Variants in KCNJ16 observed in about 807,000 individuals in gnomAD.
KCNJ16 encodes potassium inwardly rectifying channel subfamily J member 16.
KCNJ16 carries 15 observed loss-of-function variants against 18.5 expected under a neutral mutation model. The ratio of observed to expected loss-of-function variants is 0.81; its 90% CI spans 0.54 to 1.25. The LOEUF is 1.25. Ranked by LOEUF, KCNJ16 falls within the 50% of genes most tolerant of loss-of-function variation. KCNJ16 has a pLI of 0.00. For synonymous variants in KCNJ16, 174 were observed against 186.5 expected (o/e 0.93, Z 0.55); for missense variants, 523 against 525.7 (o/e 0.99, Z 0.05).
chr17:70,113,379 C>A (rs1435106815), intron 2 of KCNJ16, among the ~76,000 whole-genome samples: 1 of 152,182 alleles, frequency 6.6e-6, no homozygotes, highest in African/African-American at 2.4e-5. Flanking sequence ...CTTGGCAAGA[C>A]TGAACTTCTC....
intron 2 of KCNJ16, among the ~76,000 whole-genome samples, chr17:70,109,635 C>A (rs1382621269): frequency 6.6e-6 from 1 of 152,124 alleles, no homozygotes. Flanking sequence ...CCTGTTCCAG[C>A]AGCTCAACTG....
intron 1 of KCNJ16, among the ~76,000 whole-genome samples, chr17:70,099,716 T>C (rs2072538651): frequency 6.6e-6 from 1 of 152,096 alleles, no homozygotes; most frequent in Admixed American, 6.6e-5. Context: ...CCTGGTGCTA[T>C]GTGTGTTTGG....
At chr17:70,111,081 T>C (rs2073165791) in intron 2 of KCNJ16, among the ~76,000 whole-genome samples, 1 of 152,148 alleles carries the variant, frequency 6.6e-6, no homozygotes, top group African/African-American at 2.4e-5. Flanking sequence ...GGGAATAGGA[T>C]ATAATCTCCT....
intron 1 of KCNJ16, among the ~76,000 whole-genome samples, chr17:70,088,496 CCT>C (rs1337607618): frequency 2.0e-5 from 3 of 152,106 alleles, no homozygotes; most frequent in Non-Finnish European, 4.4e-5. Context: ...GTTGAGGACC[CCT>C]GTCTTAGGGA....
At chr17:70,077,636 A>G (rs144449381) in intron 1 of KCNJ16, among the ~76,000 whole-genome samples, 1 of 151,704 alleles carries the variant, frequency 6.6e-6, no homozygotes, top group African/African-American at 2.4e-5. Context: ...ACAGAATTAG[A>G]AGTCTTTCTC....
chr17:70,116,299 T>C (rs2073401818), intron 2 of KCNJ16, among the ~76,000 whole-genome samples: 1 of 152,194 alleles, frequency 6.6e-6, no homozygotes, highest in African/African-American at 2.4e-5. Context: ...AGAGTAATCA[T>C]ATGATTGTAC....
chr17:70,103,612 G>C (rs990540761), intron 2 of KCNJ16, among the ~76,000 whole-genome samples: 1 of 151,790 alleles, frequency 6.6e-6, no homozygotes, highest in Admixed American at 6.6e-5. Flanking sequence ...CCAGGCCTTC[G>C]TCATTGGAAT....
intron 2 of KCNJ16, among the ~76,000 whole-genome samples, chr17:70,104,425 G>A (rs763236214): frequency 1.3e-5 from 2 of 152,302 alleles, no homozygotes; most frequent in African/African-American, 4.8e-5. Context: ...GGGGGCATAC[G>A]CTTCCTTGAA....
chr17:70,094,220 G>T (rs867213948), intron 1 of KCNJ16, among the ~76,000 whole-genome samples: 21 of 152,270 alleles, frequency 1.4e-4, no homozygotes, highest in South Asian at 4.1e-4. Flanking sequence ...TTTACTTAAG[G>T]CTTTGGAAAA....
At chr17:70,093,611 T>C (rs1162644503) in intron 1 of KCNJ16, among the ~76,000 whole-genome samples, 8 of 152,134 alleles carry the variant, frequency 5.3e-5, no homozygotes, top group African/African-American at 1.9e-4. Flanking sequence ...TAATAGATAG[T>C]GATGACAAGA....
chr17:70,132,215 G>T lies in KCNJ16; in HGVS notation c.128G>T (p.Cys43Phe). 6.2e-7 allele frequency: 1 copy of T among 1,614,232 alleles called. No individual in the cohort carries two copies. The highest frequency in any genetic ancestry group is 1.1e-5 in the South Asian group (1 of 91,092). Residue 43 changes from cysteine (C) to phenylalanine (F), a missense_variant, in exon 4 of 4, where the codon TGT becomes TTT. Cys to Phe is a radical substitution (Grantham distance 205). Transcript: ENST00000392671. Reference sequence around the variant, plus strand: ...CGATTACTTCACAAAGATGGCAGCTGTAATGTCTACTTCAAGCACATTTTT... The same window carrying T: ...CGATTACTTCACAAAGATGGCAGCTTTAATGTCTACTTCAAGCACATTTTT... ...RRRLLHKDGSCNVYFKHIFGE... is the reference protein window; with the variant it reads ...RRRLLHKDGSFNVYFKHIFGE...
At chr17:70,123,572 G>T (rs1426715489) in intron 2 of KCNJ16, among the ~76,000 whole-genome samples, 1 of 152,164 alleles carries the variant, frequency 6.6e-6, no homozygotes, top group Admixed American at 6.5e-5. Context: ...CTTCCCAGGT[G>T]CTAGCTATTA....
rs1388610945 is a variant in KCNJ16, at chr17:70,135,441, A to G, written c.*2097A>G. 6.0e-6 allele frequency: 1 copy of G among 167,028 alleles called. No homozygotes were observed. Among genetic ancestry groups the G allele is most frequent in the African/African-American group, 2.4e-5 (1 of 41,420 alleles). The allele number at this position is 167,028 out of a possible 1,614,324, so 10.3% of individuals were successfully genotyped here. A position where few individuals can be genotyped will look rare whatever the true frequency, so the allele number is the denominator to read the frequency against. On this transcript the variant is annotated 3_prime_UTR_variant, in exon 4 of 4. Coordinates refer to ENST00000392671, the MANE Select transcript of KCNJ16 (RefSeq NM_170741.4). ...GGGGCATCAGTGTCCCGTGAAATAC[A>G]TTTTGTTGTGCTATGAGCCTCTGTA...
At position 70,132,526 on chromosome 17, in the gene KCNJ16, G is replaced by A. The variant is rs183330194; in HGVS notation, c.439G>A (p.Val147Met). Reference protein sequence around the residue: ...RCVTEECSVAVLMVILQSILS... With the variant: ...RCVTEECSVAMLMVILQSILS... ...TGTTACTGAAGAATGTTCTGTGGCCGTGCTCATGGTGATCCTCCAGTCCAT... is the reference window on the plus strand; with the variant it reads ...TGTTACTGAAGAATGTTCTGTGGCCATGCTCATGGTGATCCTCCAGTCCAT... The change falls in exon 4 of 4, where the codon GTG (valine) becomes ATG (methionine). Residue 147 changes from valine to methionine, a missense_variant. Physicochemically the swap from Val to Met is conservative, Grantham distance 21. Transcript: ENST00000392671. The A allele has an allele frequency of 3.5e-5, 56 of 1,614,132 alleles. No homozygotes were observed. Among genetic ancestry groups the A allele is most frequent in the East Asian group, 4.5e-5 (2 of 44,876 alleles).
chr17:70,103,930 T>C (rs1205432188), intron 2 of KCNJ16, among the ~76,000 whole-genome samples: 1 of 127,674 alleles, frequency 7.8e-6, no homozygotes, highest in East Asian at 2.6e-4. Flanking sequence ...CATTTTTATT[T>C]TATTATCTTT....
chr17:70,097,833 T>C (rs2072449509), intron 1 of KCNJ16, among the ~76,000 whole-genome samples: 1 of 152,166 alleles, frequency 6.6e-6, no homozygotes, highest in African/African-American at 2.4e-5. Context: ...TCCTTCATTA[T>C]GGATTTCTAA....
chr17:70,108,907 A>G (rs1391845355), intron 2 of KCNJ16, among the ~76,000 whole-genome samples: 1 of 151,976 alleles, frequency 6.6e-6, no homozygotes, highest in Non-Finnish European at 1.5e-5. Flanking sequence ...CAATCCCTAG[A>G]GCTGAGGGCA....
chr17:70,079,692 T>C (rs1447820415), intron 1 of KCNJ16, among the ~76,000 whole-genome samples: 1 of 152,120 alleles, frequency 6.6e-6, no homozygotes, highest in Admixed American at 6.6e-5. Flanking sequence ...AGTACAGCAT[T>C]TTTATTTTAT....
chr17:70,101,056 C>G (rs1487600139), intron 2 of KCNJ16: 1 of 152,212 alleles, frequency 6.6e-6, no homozygotes, highest in Non-Finnish European at 1.5e-5. Flanking sequence ...ATTATACATT[C>G]TGCTAACTAA....
Sources: allele counts gnomAD v4.1 joint callset (sites outside exome capture counted in the v4.1 genomes callset), GRCh38; gene constraint gnomAD v4.1.1; transcripts MANE v1.5; gene names NCBI Gene and HGNC (gene_info 2026-07-23, HGNC 2026-07-21).